SNTG2: variants seen among roughly 807,000 people sequenced by gnomAD.
SNTG2 encodes the protein syntrophin gamma 2.
SNTG2 carries 74 observed loss-of-function variants against 70.9 expected under a neutral mutation model. That is an observed-to-expected ratio of 1.04 (90% CI 0.86 to 1.27). The LOEUF (loss-of-function observed/expected upper bound fraction) is 1.27. Ranked by LOEUF, SNTG2 falls within the 50% of genes most tolerant of loss-of-function variation. The probability of loss-of-function intolerance (pLI) is 0.00; values close to 1 mark genes in which losing one functional copy is unlikely to be tolerated. For synonymous variants in SNTG2, 278 were observed against 273.8 expected (o/e 1.02, Z -0.15); for missense variants, 717 against 690.7 (o/e 1.04, Z -0.43).
chr2:1,185,327 A>G (rs1672179190), intron 8 of SNTG2, among the ~76,000 whole-genome samples: 1 of 152,174 alleles, frequency 6.6e-6, no homozygotes, highest in African/African-American at 2.4e-5. Context: ...CAGTAGATCT[A>G]TCATTCTGGG....
At chr2:1,000,747 T>C (rs1379013780) in intron 1 of SNTG2, among the ~76,000 whole-genome samples, 3 of 150,466 alleles carry the variant, frequency 2.0e-5, no homozygotes, top group Non-Finnish European at 4.4e-5. Context: ...GAGGAAGGAC[T>C]CATTTCTCAC....
intron 1 of SNTG2, among the ~76,000 whole-genome samples, chr2:979,281 G>C (rs558616652): frequency 2.8e-4 from 42 of 152,352 alleles, no homozygotes; most frequent in Middle Eastern, 6.8e-3. Context: ...TTCATTACCA[G>C]TTTGCAGCAT....
chr2:1,208,720 C>T (rs911073168), intron 8 of SNTG2, among the ~76,000 whole-genome samples: 11 of 152,176 alleles, frequency 7.2e-5, no homozygotes, highest in Admixed American at 3.3e-4. Context: ...GCCATTCTAT[C>T]GTGTGTCTCT....
chr2:1,001,238 A>G (rs1302152669), intron 1 of SNTG2, among the ~76,000 whole-genome samples: 1 of 152,044 alleles, frequency 6.6e-6, no homozygotes, highest in African/African-American at 2.4e-5. Flanking sequence ...CACCTCTCCT[A>G]TTCAACATAG....
chr2:1,211,031 G>A (rs1674006007), intron 9 of SNTG2, among the ~76,000 whole-genome samples: 1 of 152,196 alleles, frequency 6.6e-6, no homozygotes. Context: ...ATATATAGAT[G>A]ATTTATTGCA....
chr2:1,042,936 A>T (rs1661522500), intron 1 of SNTG2, among the ~76,000 whole-genome samples: 1 of 152,172 alleles, frequency 6.6e-6, no homozygotes, highest in African/African-American at 2.4e-5. Flanking sequence ...GTAACTTAAG[A>T]AATCTACAGA....
intron 2 of SNTG2, among the ~76,000 whole-genome samples, chr2:1,094,922 T>C (rs369760523): frequency 4.3e-4 from 50 of 116,282 alleles, no homozygotes; most frequent in African/African-American, 9.5e-4. Context: ...TGGCAAGGGC[T>C]GGCTTCCTGG....
intron 7 of SNTG2, among the ~76,000 whole-genome samples, chr2:1,168,764 C>T (rs1670923942): frequency 6.6e-6 from 1 of 152,144 alleles, no homozygotes; most frequent in African/African-American, 2.4e-5. Context: ...GAGACCACTC[C>T]CTCTGCTAGA....
intron 1 of SNTG2, among the ~76,000 whole-genome samples, chr2:976,384 T>G (rs2147962008): frequency 6.6e-6 from 1 of 152,336 alleles, no homozygotes; most frequent in South Asian, 2.1e-4. Context: ...AGTGGTTCTC[T>G]ATGTGTACAT....
At chr2:1,236,926 T>A (rs1447666759) in intron 9 of SNTG2, among the ~76,000 whole-genome samples, 2 of 151,530 alleles carry the variant, frequency 1.3e-5, no homozygotes, top group African/African-American at 4.9e-5. Flanking sequence ...TCATATACAT[T>A]AATATGCATT....
chr2:1,205,313 G>T (rs1419480409), intron 8 of SNTG2, among the ~76,000 whole-genome samples: 1 of 152,150 alleles, frequency 6.6e-6, no homozygotes, highest in East Asian at 1.9e-4. Context: ...TAAAGAGTAT[G>T]TTAAAAGTAC....
At chr2:1,283,201 A>C (rs575197838) in intron 14 of SNTG2, among the ~76,000 whole-genome samples, 1 of 151,330 alleles carries the variant, frequency 6.6e-6, no homozygotes, top group East Asian at 2.0e-4. Context: ...CCACGCCCTA[A>C]CTCCTCAGCC....
intron 7 of SNTG2, among the ~76,000 whole-genome samples, chr2:1,167,257 C>A (rs1670779557): frequency 6.7e-6 from 1 of 150,026 alleles, no homozygotes; most frequent in African/African-American, 2.5e-5. Context: ...GAACTGAAAC[C>A]AACAAGCCGC....
intron 1 of SNTG2, among the ~76,000 whole-genome samples, chr2:979,186 T>TG (rs796458025): frequency 8.5e-5 from 13 of 152,202 alleles, no homozygotes; most frequent in Middle Eastern, 3.4e-3. Flanking sequence ...GCTTTTGGGT[T>TG]GGGGGGGTAT....
intron 1 of SNTG2, among the ~76,000 whole-genome samples, chr2:1,050,693 C>T (rs1199710055): frequency 1.3e-5 from 2 of 152,060 alleles, no homozygotes; most frequent in Admixed American, 6.5e-5. Context: ...ATTTTTATGA[C>T]TTATTCTAGG....
At chr2:1,365,796 C>T (rs1661445498) in intron 16 of SNTG2, among the ~76,000 whole-genome samples, 1 of 152,108 alleles carries the variant, frequency 6.6e-6, no homozygotes, top group East Asian at 1.9e-4. Context: ...CAGGGAGAGG[C>T]CGAGGGGACT....
intron 1 of SNTG2, among the ~76,000 whole-genome samples, chr2:1,062,180 G>T (rs994474403): frequency 5.9e-5 from 9 of 152,092 alleles, no homozygotes; most frequent in Non-Finnish European, 5.9e-5. Context: ...TTGCTGGTAG[G>T]AATATAAATG....
chr2:1,253,976 G>C (rs974586228), intron 12 of SNTG2, among the ~76,000 whole-genome samples: 1 of 152,142 alleles, frequency 6.6e-6, no homozygotes, highest in African/African-American at 2.4e-5. Context: ...CCACACACTT[G>C]TAAACAGTCA....
At chr2:1,246,577 ATTTTT>A (rs1024150662) in intron 11 of SNTG2, among the ~76,000 whole-genome samples, 1 of 152,154 alleles carries the variant, frequency 6.6e-6, no homozygotes, top group African/African-American at 2.4e-5. Flanking sequence ...ACTTATTTTT[ATTTTT>A]TTAAGTTTTT....
Sources: gnomAD v4.1 joint callset for allele counts (sites outside exome capture counted in the v4.1 genomes callset) on GRCh38, gnomAD v4.1.1 for gene constraint, MANE v1.5 for transcripts, NCBI Gene and HGNC (gene_info 2026-07-23, HGNC 2026-07-21) for gene names.